Variants in IST1 observed in about 807,000 individuals in gnomAD.
IST1 encodes IST1 homolog.
Under a neutral mutation model 37.0 loss-of-function variants are expected in IST1, and 23 were observed. The ratio of observed to expected loss-of-function variants is 0.62; its 90% CI spans 0.45 to 0.88. The LOEUF is 0.88. IST1 is among the 40% of genes least tolerant of loss of function. IST1 has a pLI of 0.00. For synonymous variants in IST1, 180 were observed against 161.7 expected, an observed-to-expected ratio of 1.11 and a Z score of -0.86; for missense variants, 488 against 445.4, an observed-to-expected ratio of 1.10 and a Z score of -0.86.
chr16:71,923,406 G>C, intron 8 of IST1, 26 bp downstream of exon 8: 4 of 1,430,068 alleles, frequency 2.8e-6, no homozygotes, highest in Non-Finnish European at 3.9e-6. Context: ...TCTTTTATAA[G>C]CAACAGGAGA....
In IST1 at chr16:71,929,096, C is replaced by T. The variant is rs2037823489; in HGVS notation, c.*1283C>T. 6.5e-6 allele frequency: 1 copy of T among 154,096 alleles called. No homozygotes were observed. Among genetic ancestry groups the T allele is most frequent in the Non-Finnish European group, 1.4e-5 (1 of 69,320 alleles). 9.5% of individuals were successfully genotyped at this position (154,096 alleles called of 1,614,324 possible). ...TAACCAAGTGATCCATGTAAACCAG[C>T]CCTTAGTTTCAGGATTCCTGGAGCA... On this transcript the variant is annotated 3_prime_UTR_variant, in exon 10 of 10. Coordinates refer to ENST00000378799, the MANE Select transcript of IST1 (RefSeq NM_001270975.2).
At chr16:71,923,643 C>CGGCGACCACCGAGA in intron 8 of IST1, 1 of 331,296 alleles carries the variant, frequency 3.0e-6, no homozygotes, top group Middle Eastern at 9.0e-4. Flanking sequence ...AGTTGTAGTG[C>CGGCGACCACCGAGA]TCTATGAGGG....
Position 71,927,838 on chromosome 16 carries a change from C to G in IST1, c.*25C>G. ...GGTCTCTTAAACCAGGCAACTTTCACGTTTTGGGAGTTGAGACTGAGCAAT... is the reference window on the plus strand; with the variant it reads ...GGTCTCTTAAACCAGGCAACTTTCAGGTTTTGGGAGTTGAGACTGAGCAAT... On this transcript the variant is annotated 3_prime_UTR_variant, in exon 10 of 10. Transcript: ENST00000378799. The G allele has an allele frequency of 1.3e-6, 2 of 1,567,726 alleles. No homozygotes were observed. Among genetic ancestry groups the G allele is most frequent in the East Asian group, 4.5e-5 (2 of 44,722 alleles).
intron 1 of IST1, among the ~76,000 whole-genome samples, 191 bp downstream of exon 1, chr16:71,895,780 G>T (rs1366966027): frequency 1.3e-5 from 2 of 152,236 alleles, no homozygotes; most frequent in Non-Finnish European, 1.5e-5. Flanking sequence ...CCGCGGCGCA[G>T]GAGGCTGCCC....
chr16:71,906,634 A>C (rs977934579), intron 1 of IST1, among the ~76,000 whole-genome samples: 1 of 152,132 alleles, frequency 6.6e-6, no homozygotes, highest in Non-Finnish European at 1.5e-5. Context: ...CTTTTAGATC[A>C]GGTCTACTGG....
chr16:71,923,438 C>A, intron 8 of IST1, 58 bp downstream of exon 8: 1 of 1,080,552 alleles, frequency 9.3e-7, no homozygotes, highest in Non-Finnish European at 1.4e-6. Context: ...GAAGAGCGAG[C>A]AAAATAATGA....
chr16:71,897,382 T>C (rs544147275), intron 1 of IST1, among the ~76,000 whole-genome samples: 121 of 152,298 alleles, frequency 7.9e-4, no homozygotes, highest in African/African-American at 1.9e-3. Context: ...CCAAATACTT[T>C]TTCATTCTCC....
chr16:71,907,224 A>G (rs1417973546), intron 1 of IST1, among the ~76,000 whole-genome samples: 2 of 146,998 alleles, frequency 1.4e-5, no homozygotes, highest in Non-Finnish European at 3.0e-5. Context: ...GAGAAAGGCC[A>G]TATTTTAAAT....
intron 1 of IST1, among the ~76,000 whole-genome samples, chr16:71,907,370 T>C (rs924961361): frequency 6.6e-6 from 1 of 151,620 alleles, no homozygotes; most frequent in African/African-American, 2.4e-5. Context: ...CTTCGCCTCC[T>C]GGGTTCATGC....
chr16:71,922,602 G>C lies in IST1; in HGVS notation c.681G>C (p.Thr227=). Residue 227 remains threonine (T), a synonymous_variant, in exon 7 of 10, where the codon ACG becomes ACC. Coordinates refer to ENST00000378799, the MANE Select transcript of IST1 (RefSeq NM_001270975.2). ...CACCAGTTGGTGGACCTGATGGAAC[G>C]GTGCCAATGCCCATGCCCATGCCCA... The part of the protein sequence containing the change: ...FTAPVGGPDG[T]VPMPMPMPMP... 1 of 1,600,512 alleles carries C rather than the reference G, an allele frequency of 6.2e-7. No individual in the cohort carries two copies. The highest frequency in any genetic ancestry group is 1.1e-5 in the South Asian group (1 of 90,146).
chr16:71,894,838 G>A, upstream of IST1: 1 of 1,534,366 alleles, frequency 6.5e-7, no homozygotes, highest in Non-Finnish European at 8.7e-7. Context: ...AGCGATAATG[G>A]TTTTCAAGTT....
At chr16:71,904,646 C>T (rs944006111) in intron 1 of IST1, among the ~76,000 whole-genome samples, 11 of 152,162 alleles carry the variant, frequency 7.2e-5, no homozygotes, top group Admixed American at 3.3e-4. Context: ...TGAGCTCCAG[C>T]GATCCTCCCA....
chr16:71,906,636 G>A (rs1352843483), intron 1 of IST1, among the ~76,000 whole-genome samples: 1 of 152,022 alleles, frequency 6.6e-6, no homozygotes, highest in Non-Finnish European at 1.5e-5. Context: ...TTTAGATCAG[G>A]TCTACTGGTG....
rs6558 is a variant in IST1 at position 71,928,688 on chromosome 16, G to C, written c.*875G>C. The C allele has an allele frequency of 0.091, 13,926 of 152,640 alleles. 793 individuals carry two copies. The highest frequency in any genetic ancestry group is 0.13 in the Non-Finnish European group (9,170 of 68,006). 9.5% of individuals were successfully genotyped at this position (152,640 alleles called of 1,614,324 possible). Reference sequence around the variant, plus strand: ...CTGGAAAGCCTACAGGAAAAGAGGGGTACCTGTTTTCATTTGAAAACTTTG... The same window carrying C: ...CTGGAAAGCCTACAGGAAAAGAGGGCTACCTGTTTTCATTTGAAAACTTTG... On this transcript the variant is annotated 3_prime_UTR_variant, in exon 10 of 10. Transcript: ENST00000378799.
intron 4 of IST1, among the ~76,000 whole-genome samples, chr16:71,920,397 C>G (rs977703253): frequency 6.6e-6 from 1 of 151,832 alleles, no homozygotes. Flanking sequence ...ATTTCTAACA[C>G]TTATGATTTA....
chr16:71,917,112 C>T lies in IST1; in HGVS notation c.335C>T (p.Ser112Leu). The T allele has an allele frequency of 6.2e-7, 1 of 1,609,942 alleles. No homozygotes were observed. The highest frequency in any genetic ancestry group is 8.5e-7 in the Non-Finnish European group (1 of 1,176,924). The change falls in exon 4 of 10, where the codon TCA becomes TTA. Residue 112 changes from serine to leucine, a missense_variant. Transcript: ENST00000378799. ...TLIWAAPRLQ[S>L]EVAELKIVAD... ...ATCTGGGCTGCTCCTCGACTCCAGT[C>T]AGAAGTGGCTGAGTTGAAAATAGTG...
chr16:71,894,975 C>T, upstream of IST1: 1 of 738,116 alleles, frequency 1.4e-6, no homozygotes, highest in South Asian at 1.6e-5. Flanking sequence ...GATGCTGGTC[C>T]AAAGGGCAAC....
At chr16:71,896,536 T>A (rs569969280) in intron 1 of IST1, among the ~76,000 whole-genome samples, 4 of 152,362 alleles carry the variant, frequency 2.6e-5, no homozygotes, top group Admixed American at 2.0e-4. Context: ...TGTATTTTTC[T>A]AATTTAATAA....
At chr16:71,924,895 G>GAGAC (rs2142601722) in intron 9 of IST1, 78 bp downstream of exon 9, 1 of 1,026,422 alleles carries the variant, frequency 9.7e-7, no homozygotes, top group Admixed American at 1.8e-5. Flanking sequence ...TCCTCCCTTA[G>GAGAC]AGACTGTTTC....
Sources: allele counts gnomAD v4.1 joint callset (sites outside exome capture counted in the v4.1 genomes callset), GRCh38; gene constraint gnomAD v4.1.1; transcripts MANE v1.5; gene names NCBI Gene and HGNC (gene_info 2026-07-23, HGNC 2026-07-21).